The following CACNA1D variants were observed in gnomAD, a reference collection of about 807,000 sequenced individuals.
The protein encoded by CACNA1D is voltage-dependent L-type calcium channel subunit alpha-1D.
CACNA1D carries 55 observed loss-of-function variants against 257.1 expected under a neutral mutation model. The observed-to-expected ratio is 0.21, with a 90% CI of 0.17 to 0.27. CACNA1D has a LOEUF of 0.27. CACNA1D is among the 10% of genes least tolerant of loss of function. The pLI is 1.00. For missense variants in CACNA1D, 1,876 were observed against 2,784.0 expected (o/e 0.67, Z 7.34); for synonymous variants, 980 against 1,014.9 (o/e 0.97, Z 0.65).
intron 3 of CACNA1D, among the ~76,000 whole-genome samples, chr3:53,587,636 A>C (rs1188330514): frequency 6.6e-6 from 1 of 152,216 alleles, no homozygotes; most frequent in Middle Eastern, 3.2e-3. Context: ...TAACTGGAAT[A>C]GTGGACAGGA....
intron 3 of CACNA1D, among the ~76,000 whole-genome samples, chr3:53,611,918 T>A (rs972330273): frequency 6.6e-6 from 1 of 152,188 alleles, no homozygotes; most frequent in Admixed American, 6.5e-5. Flanking sequence ...AGTGTGCCAG[T>A]AAAACTTTAT....
chr3:53,513,212 A>G (rs967539727), intron 3 of CACNA1D, among the ~76,000 whole-genome samples: 1 of 152,184 alleles, frequency 6.6e-6, no homozygotes, highest in Non-Finnish European at 1.5e-5. Context: ...TGTGCTGAAT[A>G]ACAGTGTTTC....
intron 3 of CACNA1D, among the ~76,000 whole-genome samples, chr3:53,623,667 A>G (rs370374264): frequency 2.0e-5 from 3 of 152,360 alleles, no homozygotes; most frequent in East Asian, 3.9e-4. Flanking sequence ...ATTAAAACCC[A>G]CCACAGGAGC....
In CACNA1D at chr3:53,747,361, T is replaced by C; in HGVS notation, c.3227T>C (p.Ile1076Thr). Residue 1076 changes from isoleucine (I) to threonine (T), a missense_variant, in exon 26 of 48, where the codon ATC becomes ACC. Transcript: ENST00000350061. Reference sequence around the variant, plus strand: ...GACAGTCCTGTGGTCCGTGAACGGATCTGGCAAAACAGTGATTTCAACTTC... The same window carrying C: ...GACAGTCCTGTGGTCCGTGAACGGACCTGGCAAAACAGTGATTTCAACTTC... ...DVDSPVVRERIWQNSDFNFDN... is the reference protein window; with the variant it reads ...DVDSPVVRERTWQNSDFNFDN... 6.2e-7 allele frequency: 1 copy of C among 1,613,958 alleles called. No homozygotes were observed. Among genetic ancestry groups the C allele is most frequent in the African/African-American group, 1.3e-5 (1 of 75,054 alleles).
At chr3:53,549,008 G>A (rs1053838881) in intron 3 of CACNA1D, among the ~76,000 whole-genome samples, 3 of 152,188 alleles carry the variant, frequency 2.0e-5, no homozygotes, top group African/African-American at 7.2e-5. Context: ...AGCAGTAACA[G>A]AAGAGTTAAA....
At chr3:53,566,596 T>G (rs2092844409) in intron 3 of CACNA1D, among the ~76,000 whole-genome samples, 2 of 152,116 alleles carry the variant, frequency 1.3e-5, no homozygotes, top group African/African-American at 4.8e-5. Context: ...CCAGGGACTT[T>G]GTCTTTTTAA....
At chr3:53,799,212 A>G (rs2095523327) in intron 40 of CACNA1D, among the ~76,000 whole-genome samples, 1 of 152,224 alleles carries the variant, frequency 6.6e-6, no homozygotes, top group Non-Finnish European at 1.5e-5. Flanking sequence ...TTTCTGTGGA[A>G]AAGAATAAAG....
chr3:53,681,801 A>G (rs1439002401), intron 8 of CACNA1D, among the ~76,000 whole-genome samples: 1 of 152,234 alleles, frequency 6.6e-6, no homozygotes, highest in Admixed American at 6.5e-5. Context: ...TTTATTGGGT[A>G]GGAGCATCCT....
intron 4 of CACNA1D, among the ~76,000 whole-genome samples, chr3:53,652,644 G>A (rs2094109370): frequency 6.6e-6 from 1 of 152,206 alleles, no homozygotes; most frequent in African/African-American, 2.4e-5. Context: ...ACCCTGGACT[G>A]TCAGTAGAGA....
At chr3:53,663,643 T>A (rs1174771298) in intron 5 of CACNA1D, among the ~76,000 whole-genome samples, 1 of 152,146 alleles carries the variant, frequency 6.6e-6, no homozygotes. Context: ...TAGCTTCTAT[T>A]AGGTTGGTGT....
chr3:53,722,560 C>A, intron 12 of CACNA1D, 86 bp downstream of exon 12: 1 of 1,316,096 alleles, frequency 7.6e-7, no homozygotes, highest in Non-Finnish European at 1.1e-6. Flanking sequence ...CTGATCGCTG[C>A]ATGATGAAGT....
rs922079948 is a variant in CACNA1D, at chr3:53,663,799, T to C, written c.767-1861T>C. On this transcript the variant is annotated intron_variant, in intron 5 of 47. Coordinates refer to ENST00000350061, the MANE Select transcript of CACNA1D (RefSeq NM_001128840.3). ...ATCGTCTCTCTCTCTCTCTCTCTCT[T>C]TTTTTTGGAGACGAAGTCTTGCTCT... 4.0e-5 allele frequency among the ~76,000 whole-genome samples: 6 copies of C among 148,346 alleles called. No homozygotes were observed. The East Asian group carries it at 5.9e-4, about 15-fold the overall frequency.
chr3:53,688,958 A>G (rs941730835), intron 8 of CACNA1D, among the ~76,000 whole-genome samples: 2 of 152,120 alleles, frequency 1.3e-5, no homozygotes, highest in African/African-American at 4.8e-5. Context: ...ATGGACTATT[A>G]CTTACAAACA....
At position 53,495,187 on chromosome 3, in the gene CACNA1D, GAAA is replaced by G; in HGVS notation, c.26_28del (p.Lys9del). The G allele has an allele frequency of 6.2e-7, 1 of 1,612,092 alleles. No homozygotes were observed. Among genetic ancestry groups the G allele is most frequent in the East Asian group, 2.2e-5 (1 of 44,754 alleles). On this transcript the variant is annotated inframe_deletion, in exon 1 of 48. Coordinates refer to ENST00000350061, the MANE Select transcript of CACNA1D (RefSeq NM_001128840.3). The surrounding 1 kb of genome is among the most constrained non-coding windows in gnomAD (Gnocchi z 5.1). ...CGTGGATGATGATGATGATGATGAT[GAAA>G]AAAATGCAGCATCAACGGCAGCAGC...
At chr3:53,720,164 T>G (rs1018992816) in intron 11 of CACNA1D, among the ~76,000 whole-genome samples, 5 of 152,202 alleles carry the variant, frequency 3.3e-5, no homozygotes, top group Non-Finnish European at 5.9e-5. Flanking sequence ...ACGTGTTCAG[T>G]TGGTAAAACT....
chr3:53,633,904 C>G (rs181386675), intron 3 of CACNA1D, among the ~76,000 whole-genome samples: 1 of 152,300 alleles, frequency 6.6e-6, no homozygotes, highest in African/African-American at 2.4e-5. Context: ...CATTTGAGAT[C>G]TGATTCACCA....
chr3:53,722,379 C>G lies in CACNA1D; in HGVS notation c.1571C>G (p.Thr524Arg). ...TGTAGGGCCGCCGTGAAGTCTGTCA[C>G]GTTTTACTGGCTGGTTATCGTCCTG... Reference protein sequence around the residue: ...RRCRAAVKSVTFYWLVIVLVF... With the variant: ...RRCRAAVKSVRFYWLVIVLVF... The change falls in exon 12 of 48, where the codon ACG becomes AGG. Residue 524 changes from threonine to arginine, a missense_variant. Thr to Arg is a moderately conservative substitution (Grantham distance 71). This residue lies in a region of CACNA1D where 257 missense variants were observed against 399.7 expected (regional missense o/e 0.64). Coordinates refer to ENST00000350061, the MANE Select transcript of CACNA1D (RefSeq NM_001128840.3). 1.9e-6 allele frequency: 3 copies of G among 1,614,216 alleles called. No homozygotes were observed. The highest frequency in any genetic ancestry group is 2.5e-6 in the Non-Finnish European group (3 of 1,180,030).
chr3:53,792,023 T>A (rs2095485751), intron 40 of CACNA1D: 1 of 152,228 alleles, frequency 6.6e-6, no homozygotes, highest in African/African-American at 2.4e-5. Context: ...TAAAGCACTT[T>A]GAACGTATAA....
chr3:53,695,265 G>A (rs924664414), intron 8 of CACNA1D, among the ~76,000 whole-genome samples: 7 of 152,288 alleles, frequency 4.6e-5, no homozygotes, highest in Middle Eastern at 3.4e-3. Flanking sequence ...CGAGTCATTA[G>A]TCCATCTCTA....
Sources: gnomAD v4.1 joint callset for allele counts (sites outside exome capture counted in the v4.1 genomes callset) on GRCh38, gnomAD v4.1.1 for gene constraint, gnomAD v4.1.1 regional missense constraint, Gnocchi (gnomAD v3.1) non-coding constraint, MANE v1.5 for transcripts, NCBI Gene and HGNC (gene_info 2026-07-23, HGNC 2026-07-21) for gene names.